COL28A1: variants seen among roughly 807,000 people sequenced by gnomAD.
COL28A1 encodes collagen alpha-1(XXVIII) chain.
Under a neutral mutation model 150.2 loss-of-function variants are expected in COL28A1, and 161 were observed. The observed-to-expected ratio is 1.07, with a 90% CI of 0.94 to 1.22. COL28A1 has a LOEUF of 1.22. Ranked by LOEUF, COL28A1 falls within the 50% of genes most tolerant of loss-of-function variation. COL28A1 has a pLI of 0.00. For synonymous variants in COL28A1, 552 were observed against 469.7 expected (o/e 1.18, Z -2.26); for missense variants, 1,617 against 1,388.3 (o/e 1.16, Z -2.62).
intron 20 of COL28A1, 70 bp downstream of exon 20, chr7:7,443,515 C>T: frequency 2.5e-6 from 4 of 1,588,404 alleles, no homozygotes; most frequent in Non-Finnish European, 3.4e-6. Context: ...AATCAAATTT[C>T]TTCTAAGTTG....
intron 20 of COL28A1, among the ~76,000 whole-genome samples, chr7:7,442,112 C>T (rs571478384): frequency 6.0e-4 from 92 of 152,316 alleles, no homozygotes; most frequent in African/African-American, 2.1e-3. Context: ...TCCTACCACT[C>T]TTCTCCAATA....
intron 11 of COL28A1, among the ~76,000 whole-genome samples, chr7:7,496,561 A>G (rs1293799387): frequency 6.6e-6 from 1 of 151,796 alleles, no homozygotes; most frequent in Non-Finnish European, 1.5e-5. Flanking sequence ...CTTTTTTTTT[A>G]GCTGAAAGAG....
At chr7:7,477,230 AGAG>A in intron 13 of COL28A1, 50 bp from the exon 14 acceptor site, 1 of 852,260 alleles carries the variant, frequency 1.2e-6, no homozygotes, top group Non-Finnish European at 2.0e-6. Flanking sequence ...GAAAAGGGAA[AGAG>A]GAGTGATGAA....
chr7:7,442,383 C>T (rs1239282248), intron 20 of COL28A1, among the ~76,000 whole-genome samples: 1 of 152,156 alleles, frequency 6.6e-6, no homozygotes, highest in African/African-American at 2.4e-5. Flanking sequence ...CAATTATTAA[C>T]TCCAAGCGCC....
Position 7,373,011 on chromosome 7 carries a change from G to T in COL28A1, c.2895C>A (p.Phe965Leu). 1 of 1,613,626 alleles carries T rather than the reference G, an allele frequency of 6.2e-7. No individual in the cohort carries two copies. The highest frequency in any genetic ancestry group is 8.5e-7 in the Non-Finnish European group (1 of 1,179,712). Residue 965 changes from phenylalanine to leucine, a missense_variant, in exon 32 of 35, where the codon TTC becomes TTA. By Grantham distance (22) the Phe-to-Leu change is conservative. Coordinates refer to ENST00000399429, the MANE Select transcript of COL28A1 (RefSeq NM_001037763.3). The surrounding 1 kb of genome is among the most constrained non-coding windows in gnomAD (Gnocchi z 4.1). ...DPEHVYQFDD[F>L]FTLQDTLKQK... ...AGCCTTCCTTACCTTGCAGGGTAAAGAAATCATCAAACTGGTAAACATGCT... is the reference window on the plus strand; with the variant it reads ...AGCCTTCCTTACCTTGCAGGGTAAATAAATCATCAAACTGGTAAACATGCT...
At chr7:7,374,038 A>ATAC (rs1554260692) in intron 31 of COL28A1, among the ~76,000 whole-genome samples, 1 of 113,658 alleles carries the variant, frequency 8.8e-6, no homozygotes, top group East Asian at 2.5e-4. Context: ...AAAAAAAAAA[A>ATAC]ATATATATAT....
chr7:7,465,647 G>T, intron 15 of COL28A1, among the ~76,000 whole-genome samples: 1 of 115,610 alleles, frequency 8.6e-6, no homozygotes, highest in Admixed American at 9.1e-5. Flanking sequence ...CCACCTCTGG[G>T]GGCAGGGCAC....
At chr7:7,400,033 G>A (rs1246385410) in intron 27 of COL28A1, among the ~76,000 whole-genome samples, 1 of 152,160 alleles carries the variant, frequency 6.6e-6, no homozygotes, top group Non-Finnish European at 1.5e-5. Flanking sequence ...TTCCATAAAA[G>A]GTTGTATGCT....
intron 13 of COL28A1, among the ~76,000 whole-genome samples, chr7:7,482,757 G>A (rs139071513): frequency 8.5e-5 from 13 of 152,162 alleles, no homozygotes; most frequent in South Asian, 8.3e-4. Context: ...GGTAATATAC[G>A]TTTTTTAAGA....
chr7:7,486,658 T>C (rs189706344), intron 13 of COL28A1, among the ~76,000 whole-genome samples: 1 of 152,334 alleles, frequency 6.6e-6, no homozygotes, highest in East Asian at 1.9e-4. Flanking sequence ...ATTAGGGTTT[T>C]GAGTTTTGCC....
At chr7:7,541,082 T>C in the COL28A1 span, among the ~76,000 whole-genome samples, 1 of 152,214 alleles carries the variant, frequency 6.6e-6, no homozygotes, top group African/African-American at 2.4e-5. Flanking sequence ...AATAAAAGTG[T>C]TTTAAGAGCA....
intron 32 of COL28A1, 130 bp from the exon 33 acceptor site, chr7:7,371,012 C>A: frequency 1.5e-6 from 1 of 648,278 alleles, no homozygotes; most frequent in Non-Finnish European, 2.6e-6. Flanking sequence ...GCTAAGTTAA[C>A]GAACTTATAA....
At chr7:7,384,521 A>C (rs1782070263) in intron 27 of COL28A1, among the ~76,000 whole-genome samples, 1 of 152,210 alleles carries the variant, frequency 6.6e-6, no homozygotes, top group Admixed American at 6.5e-5. Context: ...TGATGACAGT[A>C]TATTGCTTAT....
chr7:7,400,467 T>C (rs1783108083), intron 27 of COL28A1, among the ~76,000 whole-genome samples: 1 of 152,162 alleles, frequency 6.6e-6, no homozygotes, highest in Non-Finnish European at 1.5e-5. Context: ...TGGAAAAAAC[T>C]AGGAAATGTA....
At chr7:7,424,434 G>A (rs1264313609) in intron 25 of COL28A1, among the ~76,000 whole-genome samples, 1 of 152,108 alleles carries the variant, frequency 6.6e-6, no homozygotes, top group African/African-American at 2.4e-5. Flanking sequence ...AGCACCGTAG[G>A]TACCTAAGAA....
rs1006344210 is a variant in COL28A1, at chr7:7,357,926, C to A, written c.*707G>T. ...CATTCCACTCCATAAAATGGAAGGGCCCACTGACATATTTTAATGGAAGGG... is the reference window on the plus strand; with the variant it reads ...CATTCCACTCCATAAAATGGAAGGGACCACTGACATATTTTAATGGAAGGG... On this transcript the variant is annotated 3_prime_UTR_variant, in exon 35 of 35. Coordinates refer to ENST00000399429, the MANE Select transcript of COL28A1 (RefSeq NM_001037763.3). 6.6e-6 allele frequency: 1 copy of A among 152,156 alleles called. No individual in the cohort carries two copies. Among genetic ancestry groups the A allele is most frequent in the African/African-American group, 2.4e-5 (1 of 41,498 alleles). The allele number at this position is 152,156 out of a possible 1,614,324, so 9.4% of individuals were successfully genotyped here.
At chr7:7,493,659 CT>C (rs941558052) in intron 11 of COL28A1, among the ~76,000 whole-genome samples, 6 of 152,250 alleles carry the variant, frequency 3.9e-5, no homozygotes, top group Non-Finnish European at 7.4e-5. Flanking sequence ...TGTTTATTCC[CT>C]TCCCATTTCC....
At chr7:7,358,987 C>T (rs1340969268) in intron 34 of COL28A1, among the ~76,000 whole-genome samples, 182 bp from the exon 35 acceptor site, 1 of 138,158 alleles carries the variant, frequency 7.2e-6, no homozygotes, top group Non-Finnish European at 1.6e-5. Context: ...CCCTCACCAC[C>T]TGAAACTCTG....
At chr7:7,357,342 G>T (rs188512792), downstream of COL28A1, among the ~76,000 whole-genome samples, 1 of 152,098 alleles carries the variant, frequency 6.6e-6, no homozygotes, top group Non-Finnish European at 1.5e-5. Context: ...GAGCCACGGC[G>T]CCCAGCTGAG....
Sources: allele counts gnomAD v4.1 joint callset (sites outside exome capture counted in the v4.1 genomes callset), GRCh38; gene constraint gnomAD v4.1.1; non-coding constraint Gnocchi (gnomAD v3.1); transcripts MANE v1.5; gene names NCBI Gene and HGNC (gene_info 2026-07-23, HGNC 2026-07-21).